CBX3: variants seen among roughly 807,000 people sequenced by gnomAD.
The protein encoded by CBX3 is chromobox protein homolog 3.
CBX3 carries 5 observed loss-of-function variants against 22.6 expected under a neutral mutation model. That is an observed-to-expected ratio of 0.22 (90% CI 0.12 to 0.47). The LOEUF is 0.47. Among genes scored for constraint, CBX3 ranks in the 20% least tolerant of loss-of-function variants. The pLI is 0.99. For missense variants in CBX3, 83 were observed against 208.1 expected (o/e 0.40, Z 3.70); for synonymous variants, 50 against 66.6 (o/e 0.75, Z 1.21).
chr7:26,207,539 G>C (rs1294149792), intron 3 of CBX3, among the ~76,000 whole-genome samples: 1 of 152,116 alleles, frequency 6.6e-6, no homozygotes, highest in Non-Finnish European at 1.5e-5. Context: ...TTTGTTTTGA[G>C]ATGGAGTCTC....
At chr7:26,205,491 T>G (rs983770296) in intron 2 of CBX3, among the ~76,000 whole-genome samples, 1 of 152,244 alleles carries the variant, frequency 6.6e-6, no homozygotes, top group African/African-American at 2.4e-5. Context: ...AATAATCTTG[T>G]CCTTTAATTG....
chr7:26,212,582 T>TTTTGTGTGTGTG lies in CBX3; in HGVS notation c.*375_*376insTTGTGTGTGTGT, dbSNP rs879214653. 2.7e-5 allele frequency: 3 copies of TTTTGTGTGTGTG among 109,148 alleles called. No individual in the cohort carries two copies. The highest frequency in any genetic ancestry group is 5.5e-4 in the East Asian group (2 of 3,632). The allele number at this position is 109,148 out of a possible 1,614,324, so 6.8% of individuals were successfully genotyped here. On this transcript the variant is annotated 3_prime_UTR_variant, in exon 6 of 6. Transcript: ENST00000396386. ...CCATTCTAGATTTATTACGTGTTTT[T>TTTTGTGTGTGTG]TGTGTGTGTGTGTGTGTGTGTGTGT... is the stretch of plus-strand genomic sequence containing the variant.
At position 26,212,518 on chromosome 7, in the gene CBX3, A is replaced by G. The variant is rs1267379887; in HGVS notation, c.*310A>G. 2 of 156,128 alleles carry G rather than the reference A, an allele frequency of 1.3e-5. No homozygotes were observed. Among genetic ancestry groups the G allele is most frequent in the African/African-American group, 4.8e-5 (2 of 41,534 alleles). The allele number at this position is 156,128 out of a possible 1,614,324, so 9.7% of individuals were successfully genotyped here. Reference sequence around the variant, plus strand: ...AATGTTGGGGGAAATGTCCATAGTCATTACTCAGTCAAAACTTGTGTTCTC... The same window carrying G: ...AATGTTGGGGGAAATGTCCATAGTCGTTACTCAGTCAAAACTTGTGTTCTC... On this transcript the variant is annotated 3_prime_UTR_variant, in exon 6 of 6. Coordinates refer to ENST00000396386, the MANE Select transcript of CBX3 (RefSeq NM_016587.4).
At chr7:26,207,688 T>C (rs889472193) in intron 3 of CBX3, among the ~76,000 whole-genome samples, 3 of 151,934 alleles carry the variant, frequency 2.0e-5, no homozygotes, top group Admixed American at 6.6e-5. Flanking sequence ...CCGGCTAATT[T>C]TTGTATTTTA....
At chr7:26,204,145 T>C (rs1322287662) in intron 2 of CBX3, among the ~76,000 whole-genome samples, 9 of 152,160 alleles carry the variant, frequency 5.9e-5, no homozygotes, top group African/African-American at 2.2e-4. Context: ...AAGGCAAATA[T>C]ATACTATAAA....
chr7:26,202,789 G>A, intron 1 of CBX3, 182 bp from the exon 2 acceptor site: 1 of 589,372 alleles, frequency 1.7e-6, no homozygotes, highest in East Asian at 2.9e-5. Flanking sequence ...GACTCACATG[G>A]TTAGGACACG....
rs547542587 is a variant in CBX3 at position 26,211,980 on chromosome 7, C to G, written c.426-102C>G. The G allele has an allele frequency of 2.7e-6, 3 of 1,108,862 alleles. No homozygotes were observed. The Admixed American group carries it at 9.4e-5, about 35-fold the overall frequency. The allele number at this position is 1,108,862 out of a possible 1,614,324, so 68.7% of individuals were successfully genotyped here. A position where few individuals can be genotyped will look rare whatever the true frequency, so the allele number is the denominator to read the frequency against. On this transcript the variant is annotated intron_variant, in intron 5 of 5. Coordinates refer to ENST00000396386, the MANE Select transcript of CBX3 (RefSeq NM_016587.4). ...CAAGTAACATAACTCTCCTGGAGCA[C>G]TTCAATACCTTTTGTTTGGACTATT... is the stretch of plus-strand genomic sequence containing the variant.
chr7:26,205,218 T>G (rs891261018), intron 2 of CBX3, among the ~76,000 whole-genome samples: 22 of 152,336 alleles, frequency 1.4e-4, no homozygotes, highest in African/African-American at 5.3e-4. Flanking sequence ...CCATTTTTAG[T>G]CCTCTCATAG....
At chr7:26,207,059 A>G (rs1033412569) in intron 3 of CBX3, among the ~76,000 whole-genome samples, 2 of 152,186 alleles carry the variant, frequency 1.3e-5, no homozygotes, top group Non-Finnish European at 2.9e-5. Flanking sequence ...ACATGCAACA[A>G]TTACATACTT....
upstream of CBX3, chr7:26,201,705 C>G (rs899042229): frequency 2.5e-5 from 3 of 118,056 alleles, no homozygotes; most frequent in Non-Finnish European, 5.4e-5. Context: ...TGCCACCCCT[C>G]CCCCCGGCGG....
intron 4 of CBX3, among the ~76,000 whole-genome samples, chr7:26,210,792 T>C (rs1784787603): frequency 1.3e-5 from 2 of 152,128 alleles, no homozygotes; most frequent in Admixed American, 6.5e-5. Flanking sequence ...CTTAAGGCAA[T>C]TTTACTTAAA....
intron 2 of CBX3, among the ~76,000 whole-genome samples, chr7:26,204,221 T>C (rs1053828182): frequency 2.0e-5 from 3 of 146,798 alleles, no homozygotes; most frequent in Admixed American, 6.8e-5. Flanking sequence ...CTGTATGGCA[T>C]TTTGTCTGCC....
intron 2 of CBX3, 116 bp downstream of exon 2, chr7:26,203,138 C>A (rs895463870): frequency 1.4e-6 from 1 of 730,008 alleles, no homozygotes; most frequent in African/African-American, 1.8e-5. Flanking sequence ...CCCAGCTCTC[C>A]CAGTGTAAAT....
intron 3 of CBX3, among the ~76,000 whole-genome samples, 172 bp downstream of exon 3, chr7:26,206,682 A>C (rs960302030): frequency 1.2e-4 from 18 of 152,196 alleles, no homozygotes; most frequent in African/African-American, 4.1e-4. Context: ...CCAAGACTTT[A>C]TTGTACAGTT....
intron 4 of CBX3, 98 bp downstream of exon 4, chr7:26,208,653 T>G: frequency 8.5e-7 from 1 of 1,175,084 alleles, no homozygotes; most frequent in East Asian, 2.5e-5. Flanking sequence ...GGAGTCTTGC[T>G]CTTGTCGCCC....
rs575635789 is a variant in CBX3 at position 26,211,577 on chromosome 7, C to T, written c.331-85C>T. ...TCTTGCTCTAGTCATTTCCATCTCA[C>T]TATTGGAATGTTTTTATTTAAAATA... On this transcript the variant is annotated intron_variant, in intron 4 of 5. Transcript: ENST00000396386. 7.8e-4 allele frequency: 609 copies of T among 777,716 alleles called. 6 individuals are homozygous for T. In the African/African-American group the frequency reaches 0.01, roughly 13 times the overall value. The allele number at this position is 777,716 out of a possible 1,614,324, so 48.2% of individuals were successfully genotyped here.
chr7:26,202,770 G>T, intron 1 of CBX3: 1 of 537,684 alleles, frequency 1.9e-6, no homozygotes. Context: ...CCCCAGTAAA[G>T]TCTTTCTAGA....
intron 2 of CBX3, 120 bp downstream of exon 2, chr7:26,203,142 T>G: frequency 1.4e-6 from 1 of 732,478 alleles, no homozygotes; most frequent in East Asian, 2.6e-5. Context: ...GCTCTCCCAG[T>G]GTAAATTACA....
chr7:26,201,477 A>T (rs1007900676), upstream of CBX3: 1 of 151,952 alleles, frequency 6.6e-6, no homozygotes, highest in African/African-American at 2.4e-5. Flanking sequence ...CAGAAAAGCC[A>T]CCGCTGAGGA....
Sources: gnomAD v4.1 joint callset for allele counts (sites outside exome capture counted in the v4.1 genomes callset) on GRCh38, gnomAD v4.1.1 for gene constraint, MANE v1.5 for transcripts, NCBI Gene and HGNC (gene_info 2026-07-23, HGNC 2026-07-21) for gene names.